Variants in XDH observed in about 807,000 individuals in gnomAD.
XDH encodes the protein xanthine dehydrogenase/oxidase.
A neutral mutation model predicts 156.1 loss-of-function variants in XDH; 138 were observed. That is an observed-to-expected ratio of 0.88 (90% CI 0.77 to 1.02). The LOEUF (loss-of-function observed/expected upper bound fraction) is 1.02, where lower values mean the gene tolerates loss of function less well. Among genes scored for constraint, XDH ranks in the 50% least tolerant of loss-of-function variants. The pLI, the probability that XDH is intolerant of heterozygous loss-of-function variation, is 0.00. For synonymous variants in XDH, 669 were observed against 625.7 expected (o/e 1.07, Z -1.03); for missense variants, 1,849 against 1,684.9 (o/e 1.10, Z -1.71).
chr2:31,372,461 G>A, intron 16 of XDH, 64 bp from the exon 17 acceptor site: 4 of 1,606,840 alleles, frequency 2.5e-6, no homozygotes, highest in Non-Finnish European at 3.4e-6. Flanking sequence ...ATGGGCCCAG[G>A]GGACACTGGT....
intron 6 of XDH, among the ~76,000 whole-genome samples, chr2:31,396,050 G>T (rs919640757): frequency 3.9e-5 from 6 of 152,150 alleles, no homozygotes; most frequent in African/African-American, 1.4e-4. Flanking sequence ...AACCGAGTTT[G>T]TTAGAGCTGT....
At chr2:31,378,446 G>C (rs1408588269) in intron 13 of XDH, among the ~76,000 whole-genome samples, 1 of 152,132 alleles carries the variant, frequency 6.6e-6, no homozygotes, top group Non-Finnish European at 1.5e-5. Context: ...GGTTTAGGGA[G>C]AGGAGATCTA....
rs770702514 is a variant in XDH, at chr2:31,373,989, TTA to T, written c.1603-35_1603-34del. 32 of 1,596,800 alleles carry T rather than the reference TTA, an allele frequency of 2.0e-5. No individual in the cohort carries two copies. The East Asian group carries it at 7.2e-4, about 36-fold the overall frequency. On this transcript the variant is annotated intron_variant, in intron 15 of 35. Transcript: ENST00000379416. ...GACAAGAAAACAGAGGTGACCAGGA[TTA>T]TATTTCAATCACTGATTCCTTCCTT...
chr2:31,402,178 G>A (rs893949907), intron 3 of XDH, among the ~76,000 whole-genome samples: 68 of 152,200 alleles, frequency 4.5e-4, no homozygotes, highest in African/African-American at 1.4e-3. Context: ...AAAGCCTTAC[G>A]ATCAACCAAT....
intron 11 of XDH, 119 bp downstream of exon 11, chr2:31,382,866 AGCACTGCTCCTCCCAG>A (rs1200285162): frequency 7.6e-7 from 1 of 1,315,076 alleles, no homozygotes; most frequent in African/African-American, 1.5e-5. Flanking sequence ...CACTTTAACA[AGCACTGCTCCTCCCAG>A]GCAACTCTAA....
intron 21 of XDH, among the ~76,000 whole-genome samples, chr2:31,366,479 G>A (rs577893926): frequency 1.3e-5 from 2 of 152,296 alleles, no homozygotes; most frequent in Admixed American, 6.5e-5. Flanking sequence ...ATAATTTAGT[G>A]GTCCCTGTGG....
chr2:31,386,218 C>T (rs1686588555), intron 9 of XDH, among the ~76,000 whole-genome samples, 196 bp downstream of exon 9: 1 of 152,184 alleles, frequency 6.6e-6, no homozygotes, highest in Non-Finnish European at 1.5e-5. Flanking sequence ...TGAGCCAGGC[C>T]TGTGGGACTC....
At position 31,372,330 on chromosome 2, in the gene XDH, A is replaced by G; in HGVS notation, c.1754T>C (p.Met585Thr). The G allele has an allele frequency of 3.7e-6, 6 of 1,614,178 alleles. No homozygotes were observed. Among genetic ancestry groups the G allele is most frequent in the Non-Finnish European group, 5.1e-6 (6 of 1,180,030 alleles). Residue 585 changes from methionine to threonine, a missense_variant, in exon 17 of 36, where the codon ATG becomes ACG. Physicochemically the swap from Met to Thr is moderately conservative, Grantham distance 81. Coordinates refer to ENST00000379416, the MANE Select transcript of XDH (RefSeq NM_000379.4). ...GTACACGGCCTCACCAGAGGCCTGCATGTCCGCTGCCAGGTGGGGCAGGGG... is the reference window on the plus strand; with the variant it reads ...GTACACGGCCTCACCAGAGGCCTGCGTGTCCGCTGCCAGGTGGGGCAGGGG... ...GRPLPHLAAD[M>T]QASGEAVYCD...
chr2:31,342,409 C>T, intron 31 of XDH, 112 bp from the exon 32 acceptor site: 1 of 908,476 alleles, frequency 1.1e-6, no homozygotes, highest in Non-Finnish European at 1.7e-6. Flanking sequence ...TTTTTGCATT[C>T]AGCTGTTCTC....
chr2:31,408,666 A>G (rs536212453), intron 1 of XDH, among the ~76,000 whole-genome samples: 110 of 152,348 alleles, frequency 7.2e-4, no homozygotes, highest in Non-Finnish European at 1.3e-3. Flanking sequence ...AATCAACACA[A>G]TTGATCCAGT....
chr2:31,398,627 G>T lies in XDH; in HGVS notation c.379C>A (p.Leu127Met), dbSNP rs1686977340. ...TPGIVMSMYT[L>M]LRNQPEPTME... ...GTGGGCTCGGGCTGATTCCGGAGCA[G>T]TGTGTACATACTCATGACGATGCCA... is the stretch of plus-strand genomic sequence containing the variant. Residue 127 changes from leucine (L) to methionine (M), a missense_variant, in exon 5 of 36, where the codon CTG becomes ATG. Transcript: ENST00000379416. The T allele has an allele frequency of 6.2e-7, 1 of 1,614,068 alleles. No homozygotes were observed. The highest frequency in any genetic ancestry group is 1.3e-5 in the African/African-American group (1 of 74,940).
intron 24 of XDH, among the ~76,000 whole-genome samples, chr2:31,359,266 G>C (rs1010693133): frequency 6.6e-6 from 1 of 151,624 alleles, no homozygotes; most frequent in African/African-American, 2.4e-5. Flanking sequence ...AAATTAGGTA[G>C]ATCCATTTAT....
At chr2:31,340,533 G>A (rs1460166826) in intron 33 of XDH, among the ~76,000 whole-genome samples, 2 of 151,916 alleles carry the variant, frequency 1.3e-5, no homozygotes, top group Non-Finnish European at 2.9e-5. Flanking sequence ...ACAGTGGTGG[G>A]ATCTTGGCTC....
chr2:31,375,579 AG>A, intron 14 of XDH, 25 bp from the exon 15 acceptor site: 1 of 1,610,396 alleles, frequency 6.2e-7, no homozygotes, highest in Non-Finnish European at 8.5e-7. Context: ...GGCGTGGGAC[AG>A]CGCTCCCGCC....
chr2:31,381,497 A>G, intron 12 of XDH, 136 bp downstream of exon 12: 1 of 888,524 alleles, frequency 1.1e-6, no homozygotes, highest in Non-Finnish European at 1.8e-6. Flanking sequence ...TACATTCTCC[A>G]TGCTTCCCTG....
intron 1 of XDH, among the ~76,000 whole-genome samples, chr2:31,413,197 T>A (rs1281673311): frequency 6.6e-6 from 1 of 152,214 alleles, no homozygotes; most frequent in Non-Finnish European, 1.5e-5. Context: ...TTACCCAATG[T>A]AAAAATTACT....
chr2:31,360,314 C>G (rs541946065), intron 24 of XDH, among the ~76,000 whole-genome samples: 62 of 152,210 alleles, frequency 4.1e-4, no homozygotes, highest in African/African-American at 1.3e-3. Context: ...CCTGGCCAAC[C>G]TGGTGAAACC....
At position 31,347,765 on chromosome 2, in the gene XDH, A is replaced by G. The variant is rs4952084; in HGVS notation, c.3148-115T>C. 0.77 allele frequency: 1,062,249 copies of G among 1,377,394 alleles called. 410,100 individuals are homozygous for G. The highest frequency in any genetic ancestry group is 0.85 in the East Asian group (36,787 of 43,038). The allele number at this position is 1,377,394 out of a possible 1,614,324, so 85.3% of individuals were successfully genotyped here. A position where few individuals can be genotyped will look rare whatever the true frequency, so the allele number is the denominator to read the frequency against. On this transcript the variant is annotated intron_variant, in intron 28 of 35. Transcript: ENST00000379416. ...TACAGGCAAGAAAACAATTTCGTAA[A>G]CTCTAATCTCATTGTCTGGGATGTC...
chr2:31,346,721 C>A (rs1245525601), intron 30 of XDH, 48 bp downstream of exon 30: 1 of 1,611,352 alleles, frequency 6.2e-7, no homozygotes, highest in East Asian at 2.2e-5. Context: ...GCCCTGCTGT[C>A]AATTTCCCTC....
Sources: allele counts gnomAD v4.1 joint callset (sites outside exome capture counted in the v4.1 genomes callset), GRCh38; gene constraint gnomAD v4.1.1; transcripts MANE v1.5; gene names NCBI Gene and HGNC (gene_info 2026-07-23, HGNC 2026-07-21).